SEC16A: variants seen among roughly 807,000 people sequenced by gnomAD.
The protein encoded by SEC16A is SEC16 homolog A, endoplasmic reticulum export factor.
SEC16A carries 110 observed loss-of-function variants against 221.9 expected under a neutral mutation model. The ratio of observed to expected loss-of-function variants is 0.50; its 90% CI spans 0.42 to 0.58. SEC16A has a LOEUF of 0.58. Ranked by LOEUF, SEC16A falls within the 20% of genes least tolerant of loss-of-function variation. The pLI, the probability that SEC16A is intolerant of heterozygous loss-of-function variation, is 0.00. For synonymous variants in SEC16A, 1,393 were observed against 1,257.7 expected, an observed-to-expected ratio of 1.11 and a Z score of -2.28; for missense variants, 3,165 against 3,097.8, an observed-to-expected ratio of 1.02 and a Z score of -0.52.
Position 136,476,632 on chromosome 9 carries a change from C to A in SEC16A, c.984G>T (p.Arg328=). 2 of 1,580,906 alleles carry A rather than the reference C, an allele frequency of 1.3e-6. No individual in the cohort carries two copies. Among genetic ancestry groups the A allele is most frequent in the Non-Finnish European group, 1.7e-6 (2 of 1,161,372 alleles). The change falls in exon 3 of 32, where the codon CGG becomes CGT. Residue 328 remains arginine, a synonymous_variant. Coordinates refer to ENST00000684901, the MANE Select transcript of SEC16A (RefSeq NM_014866.2). ...RQNPGVKNEH[R]PASALVNPLA... ...GGGGGTTCACAAGAGCAGAGGCGGG[C>A]CGGTGCTCATTCTTCACTCCTGGAT...
At position 136,447,292 on chromosome 9, in the gene SEC16A, G is replaced by A; in HGVS notation, c.6632C>T (p.Pro2211Leu). ...GTQRSEPALA[P>L]ADFVAPLAPL... is the part of the protein sequence containing the mutation. Reference sequence around the variant, plus strand: ...CGCGAGTGGAGCGACAAAGTCCGCAGGAGCGAGAGCCGGCTCGCTCCGCTG... The same window carrying A: ...CGCGAGTGGAGCGACAAAGTCCGCAAGAGCGAGAGCCGGCTCGCTCCGCTG... Residue 2211 changes from proline to leucine, a missense_variant, in exon 27 of 32, where the codon CCT (proline) becomes CTT (leucine). Around this residue, in one of 3 missense-constraint regions of SEC16A, gnomAD observed 1,088 missense variants for 1,089.6 expected, o/e 1.00. Transcript: ENST00000684901. This position sits in a 1 kb window ranked among gnomAD's most constrained non-coding sequence, Gnocchi z 5.5. 1 of 1,597,910 alleles carries A rather than the reference G, an allele frequency of 6.3e-7. No individual in the cohort carries two copies.
intron 20 of SEC16A, among the ~76,000 whole-genome samples, chr9:136,455,098 C>A (rs1461077939): frequency 6.6e-6 from 1 of 152,222 alleles, no homozygotes; most frequent in Non-Finnish European, 1.5e-5. Context: ...CGTGCTCATC[C>A]AGGCATGCGG....
At position 136,460,143 on chromosome 9, in the gene SEC16A, G is replaced by C; in HGVS notation, c.4992-20C>G. The C allele has an allele frequency of 6.3e-7, 1 of 1,580,040 alleles. No individual in the cohort carries two copies. Among genetic ancestry groups the C allele is most frequent in the Non-Finnish European group, 8.6e-7 (1 of 1,159,696 alleles). On this transcript the variant is annotated intron_variant, in intron 13 of 31. Transcript: ENST00000684901. ...GCAAACCTAGGCAGACATAAACACA[G>C]AAAGACCCCATGCTGGCTCAGCTAA...
At position 136,477,517 on chromosome 9, in the gene SEC16A, T is replaced by C. The variant is rs763099189; in HGVS notation, c.99A>G (p.Arg33=). The change falls in exon 3 of 32, where the codon AGA becomes AGG. Residue 33 remains arginine, a synonymous_variant. Coordinates refer to ENST00000684901, the MANE Select transcript of SEC16A (RefSeq NM_014866.2). Reference sequence around the variant, plus strand: ...CCACTGCTGCATTATTATTAGCCCGTCTCCTGTAAGGGCTGCTAGCCCAGA... The same window carrying C: ...CCACTGCTGCATTATTATTAGCCCGCCTCCTGTAAGGGCTGCTAGCCCAGA... ...SVFWASSPYR[R]RANNNAAVAP... 2 of 1,613,756 alleles carry C rather than the reference T, an allele frequency of 1.2e-6. No individual in the cohort carries two copies. Among genetic ancestry groups the C allele is most frequent in the East Asian group, 2.2e-5 (1 of 44,876 alleles).
intron 1 of SEC16A, among the ~76,000 whole-genome samples, chr9:136,479,756 G>C (rs1277334373): frequency 6.6e-6 from 1 of 152,076 alleles, no homozygotes; most frequent in Non-Finnish European, 1.5e-5. Context: ...GCTCACACCT[G>C]TAAGCCGAGC....
Position 136,474,415 on chromosome 9 carries a change from C to T in SEC16A, c.3201G>A (p.Gln1067=), listed in dbSNP as rs190562379. 97 of 1,612,862 alleles carry T rather than the reference C, an allele frequency of 6.0e-5. No individual in the cohort carries two copies. The African/African-American group carries it at 1.1e-3, about 19-fold the overall frequency. Residue 1067 remains glutamine, a synonymous_variant, in exon 3 of 32, where the codon CAG becomes CAA. Transcript: ENST00000684901. ...CTTTGGGTAGTTGTGGGGGAGAAGCCTGTTGCTGGGGTGGCACCAGCTCCT... is the reference window on the plus strand; with the variant it reads ...CTTTGGGTAGTTGTGGGGGAGAAGCTTGTTGCTGGGGTGGCACCAGCTCCT... ...AQQELVPPQQ[Q]ASPPQLPKAM...
chr9:136,474,129 G>GGTA lies in SEC16A; in HGVS notation c.3484_3486dup (p.Tyr1162dup). Reference sequence around the variant, plus strand: ...GGCTGGTAGGCATCGTACAAAGGCCGGTAGTAGTAGTAGGCGGCCAGGTCC... The same window carrying GGTA: ...GGCTGGTAGGCATCGTACAAAGGCCGGTAGTAGTAGTAGTAGGCGGCCAGGTCC... On this transcript the variant is annotated inframe_insertion, in exon 3 of 32. Coordinates refer to ENST00000684901, the MANE Select transcript of SEC16A (RefSeq NM_014866.2). The GGTA allele has an allele frequency of 1.2e-6, 2 of 1,613,294 alleles. No individual in the cohort carries two copies. The highest frequency in any genetic ancestry group is 1.7e-6 in the Non-Finnish European group (2 of 1,179,870).
At chr9:136,470,450 T>C (rs1042288366) in intron 4 of SEC16A, among the ~76,000 whole-genome samples, 110 of 152,322 alleles carry the variant, frequency 7.2e-4, no homozygotes, top group African/African-American at 2.6e-3. Context: ...TCTCAGGGCC[T>C]CTAGGAAACA....
chr9:136,460,083 C>G lies in SEC16A; in HGVS notation c.5032G>C (p.Val1678Leu). 1 of 1,607,924 alleles carries G rather than the reference C, an allele frequency of 6.2e-7. No individual in the cohort carries two copies. Among genetic ancestry groups the G allele is most frequent in the Admixed American group, 1.7e-5 (1 of 59,102 alleles). ...SLPINDPLQT[V>L]YQLMSGRMPA... ...ATCCGTCCGGACATGAGCTGGTAGA[C>G]TGTCTGCAGAGGGTCGTTGATTGGG... The change falls in exon 14 of 32, where the codon GTC becomes CTC. Residue 1678 changes from valine (V) to leucine (L), a missense_variant. By Grantham distance (32) the Val-to-Leu change is conservative. This residue lies in a region of SEC16A where 1,088 missense variants were observed against 1,089.6 expected (regional missense o/e 1.00). Coordinates refer to ENST00000684901, the MANE Select transcript of SEC16A (RefSeq NM_014866.2).
rs183947106 is a variant in SEC16A at position 136,468,876 on chromosome 9, G to A, written c.3705-364C>T. Reference sequence around the variant, plus strand: ...GCTTTCTTTTTTTTTCTTGAGACAGGTTTCACTCTGTCGCATAGGCTGGAG... The same window carrying A: ...GCTTTCTTTTTTTTTCTTGAGACAGATTTCACTCTGTCGCATAGGCTGGAG... On this transcript the variant is annotated intron_variant, in intron 4 of 31. Coordinates refer to ENST00000684901, the MANE Select transcript of SEC16A (RefSeq NM_014866.2). Among the ~76,000 whole-genome samples the A allele has an allele frequency of 2.3e-4, 35 of 152,076 alleles. 1 individual carries two copies. The highest frequency in any genetic ancestry group is 7.0e-4 in the African/African-American group (29 of 41,446).
rs1257987177 is a variant in SEC16A at position 136,474,223 on chromosome 9, C to T, written c.3393G>A (p.Gln1131=). Residue 1131 remains glutamine (Q), a synonymous_variant, in exon 3 of 32, where the codon CAG becomes CAA. Coordinates refer to ENST00000684901, the MANE Select transcript of SEC16A (RefSeq NM_014866.2). ...ACGGCTGCTCTGACGGCACAGCTGC[C>T]TGGCCGGAGCCACTGGACACCAGAG... ...SVSLVSSGSG[Q]AAVPSEQPWP... is the part of the protein sequence containing the mutation. The T allele has an allele frequency of 5.6e-6, 9 of 1,610,106 alleles. 1 individual carries two copies. In the South Asian group the frequency reaches 8.8e-5, roughly 16 times the overall value.
Position 136,441,759 on chromosome 9 carries a change from T to G in SEC16A, c.7070A>C (p.Asn2357Thr). ...CAAGTTCACAGCAGGGCAAGCCTAG[T>G]TCAGCACCAGGTGCTTCCTCTGGCC... The part of the protein sequence containing the change: ...RIGQRKHLVL[N>T] The change falls in exon 32 of 32, where the codon AAC becomes ACC. Residue 2357 changes from asparagine to threonine, a missense_variant. This residue lies in a region of SEC16A where 1,088 missense variants were observed against 1,089.6 expected (regional missense o/e 1.00). Transcript: ENST00000684901. 1 of 1,613,362 alleles carries G rather than the reference T, an allele frequency of 6.2e-7. No homozygotes were observed. Among genetic ancestry groups the G allele is most frequent in the Non-Finnish European group, 8.5e-7 (1 of 1,179,796 alleles).
chr9:136,467,267 A>T (rs970221394), intron 5 of SEC16A, among the ~76,000 whole-genome samples, 184 bp from the exon 6 acceptor site: 1 of 152,234 alleles, frequency 6.6e-6, no homozygotes, highest in South Asian at 2.1e-4. Context: ...CTAGCTACCT[A>T]AAGGCAACTG....
At chr9:136,480,501 G>A (rs938929997) in intron 1 of SEC16A, among the ~76,000 whole-genome samples, 2 of 152,126 alleles carry the variant, frequency 1.3e-5, no homozygotes, top group Non-Finnish European at 2.9e-5. Context: ...TATAAAATGC[G>A]AGAATCGATG....
At chr9:136,448,967 G>C (rs772026542) in intron 23 of SEC16A, 5 of 635,654 alleles carry the variant, frequency 7.9e-6, no homozygotes, top group Non-Finnish European at 1.4e-5. Context: ...CAGTGTGAAT[G>C]TACTTGGTGC....
chr9:136,469,488 C>T (rs1256948873), intron 4 of SEC16A, among the ~76,000 whole-genome samples: 1 of 152,154 alleles, frequency 6.6e-6, no homozygotes, highest in Non-Finnish European at 1.5e-5. Flanking sequence ...CACAGTGAGA[C>T]CCTGTCTCCA....
intron 23 of SEC16A, among the ~76,000 whole-genome samples, chr9:136,449,562 G>A (rs1301119419): frequency 6.6e-6 from 1 of 151,756 alleles, no homozygotes; most frequent in Non-Finnish European, 1.5e-5. Context: ...AGAATGCTGG[G>A]GTGACAGGCA....
At position 136,475,984 on chromosome 9, in the gene SEC16A, G is replaced by A; in HGVS notation, c.1632C>T (p.Gly544=). The change falls in exon 3 of 32, where the codon GGC becomes GGT. Residue 544 remains glycine (G), a synonymous_variant. Coordinates refer to ENST00000684901, the MANE Select transcript of SEC16A (RefSeq NM_014866.2). This position sits in a 1 kb window ranked among gnomAD's most constrained non-coding sequence, Gnocchi z 5.0. ...TTCCAACTTCTTGCTGAATGAATGT[G>A]CCAACCAGCTCCTGGGGCCTGGCTG... The part of the protein sequence containing the change: ...SGSARPQELV[G]TFIQQEVGKP... 1 of 1,613,420 alleles carries A rather than the reference G, an allele frequency of 6.2e-7. No homozygotes were observed. The highest frequency in any genetic ancestry group is 8.5e-7 in the Non-Finnish European group (1 of 1,179,900).
At position 136,447,605 on chromosome 9, in the gene SEC16A, G is replaced by A; in HGVS notation, c.6523C>T (p.Pro2175Ser). 1 of 1,613,708 alleles carries A rather than the reference G, an allele frequency of 6.2e-7. No individual in the cohort carries two copies. The highest frequency in any genetic ancestry group is 8.5e-7 in the Non-Finnish European group (1 of 1,179,642). Residue 2175 changes from proline (P) to serine (S), a missense_variant, in exon 26 of 32, where the codon CCT becomes TCT. By Grantham distance (74) the Pro-to-Ser change is moderately conservative. Around this residue, in one of 3 missense-constraint regions of SEC16A, gnomAD observed 1,088 missense variants for 1,089.6 expected, o/e 1.00. Coordinates refer to ENST00000684901, the MANE Select transcript of SEC16A (RefSeq NM_014866.2). The surrounding 1 kb of genome is among the most constrained non-coding windows in gnomAD (Gnocchi z 5.5). ...QAAPPALPGP[P>S]GAPVNMYSRR... The stretch of plus-strand genomic sequence containing the variant: ...GAGTACATGTTCACGGGGGCTCCAG[G>A]AGGCCCTGGGAGGGCAGGCGGGGCA...
Sources: gnomAD v4.1 joint callset for allele counts (sites outside exome capture counted in the v4.1 genomes callset) on GRCh38, gnomAD v4.1.1 for gene constraint, gnomAD v4.1.1 regional missense constraint, Gnocchi (gnomAD v3.1) non-coding constraint, MANE v1.5 for transcripts, NCBI Gene and HGNC (gene_info 2026-07-23, HGNC 2026-07-21) for gene names.